The following WDR33 variants were observed in gnomAD, a reference collection of about 807,000 sequenced individuals.
The protein encoded by WDR33 is pre-mRNA 3' end processing protein WDR33.
WDR33 carries 47 observed loss-of-function variants against 164.9 expected under a neutral mutation model. The observed-to-expected ratio is 0.29, with a 90% CI of 0.23 to 0.36. The LOEUF (loss-of-function observed/expected upper bound fraction) is 0.36, where lower values mean the gene tolerates loss of function less well. WDR33 is among the 10% of genes least tolerant of loss of function. The pLI, the probability that WDR33 is intolerant of heterozygous loss-of-function variation, is 1.00. For synonymous variants in WDR33, 505 were observed against 589.0 expected (o/e 0.86, Z 2.06); for missense variants, 1,137 against 1,754.1 (o/e 0.65, Z 6.28).
chr2:127,724,654 G>C lies in WDR33; in HGVS notation c.1086-211C>G, dbSNP rs1054887591. On this transcript the variant is annotated intron_variant, in intron 10 of 21. Coordinates refer to ENST00000322313, the MANE Select transcript of WDR33 (RefSeq NM_018383.5). The surrounding 1 kb of genome is among the most constrained non-coding windows in gnomAD (Gnocchi z 4.8). Reference sequence around the variant, plus strand: ...CAAAGAGCACTTCACAGGGGAAAAGGCTGCAAGCATTTAGAAACTAGAAAA... The same window carrying C: ...CAAAGAGCACTTCACAGGGGAAAAGCCTGCAAGCATTTAGAAACTAGAAAA... Among the ~76,000 whole-genome samples the C allele has an allele frequency of 1.3e-5, 2 of 152,114 alleles. No homozygotes were observed. Among genetic ancestry groups the C allele is most frequent in the Admixed American group, 6.6e-5 (1 of 15,264 alleles).
At position 127,702,261 on chromosome 2, in the gene WDR33, C is replaced by T. The variant is rs1685911074; in HGVS notation, c.*4062G>A. 2 of 1,142,234 alleles carry T rather than the reference C, an allele frequency of 1.8e-6. No homozygotes were observed. The highest frequency in any genetic ancestry group is 1.1e-6 in the Non-Finnish European group (1 of 916,760). The allele number at this position is 1,142,234 out of a possible 1,614,324, so 70.8% of individuals were successfully genotyped here. ...CGGCCGAGCTGAGGACTGCACGCCGCTGTGCGGAAGCCCGTGGCGAAGGCC... is the reference window on the plus strand; with the variant it reads ...CGGCCGAGCTGAGGACTGCACGCCGTTGTGCGGAAGCCCGTGGCGAAGGCC... On this transcript the variant is annotated 3_prime_UTR_variant, in exon 22 of 22. Transcript: ENST00000322313.
At position 127,710,234 on chromosome 2, in the gene WDR33, G is replaced by A. The variant is rs1686125705; in HGVS notation, c.3309-378C>T. 6.6e-6 allele frequency among the ~76,000 whole-genome samples: 1 copy of A among 152,240 alleles called. No individual in the cohort carries two copies. The highest frequency in any genetic ancestry group is 2.1e-4 in the South Asian group (1 of 4,834). On this transcript the variant is annotated intron_variant, in intron 18 of 21. Coordinates refer to ENST00000322313, the MANE Select transcript of WDR33 (RefSeq NM_018383.5). The surrounding 1 kb of genome is among the most constrained non-coding windows in gnomAD (Gnocchi z 4.4). Reference sequence around the variant, plus strand: ...GACATCATTTATTCAAGGACACAGAGTAAGTGCTGGTGATCTGAACTCAGC... The same window carrying A: ...GACATCATTTATTCAAGGACACAGAATAAGTGCTGGTGATCTGAACTCAGC...
chr2:127,735,684 G>A lies in WDR33; in HGVS notation c.725-8907C>T, dbSNP rs1054075835. The A allele has an allele frequency of 8.1e-6, 8 of 985,608 alleles. No individual in the cohort carries two copies. In the African/African-American group the frequency reaches 1.0e-4, roughly 13 times the overall value. 61.1% of individuals were successfully genotyped at this position (985,608 alleles called of 1,614,324 possible). ...GTAACAGATCAGTTTAAGACAAAGG[G>A]TATATGAGTACCCATGGCCCATAGC... On this transcript the variant is annotated intron_variant, in intron 7 of 21. Coordinates refer to ENST00000322313, the MANE Select transcript of WDR33 (RefSeq NM_018383.5). This position sits in a 1 kb window ranked among gnomAD's most constrained non-coding sequence, Gnocchi z 4.3.
intron 1 of WDR33, among the ~76,000 whole-genome samples, chr2:127,793,208 A>G (rs1688903792): frequency 6.6e-6 from 1 of 152,074 alleles, no homozygotes; most frequent in Non-Finnish European, 1.5e-5. Context: ...AGGCAGGTGG[A>G]TCATCTGAGG....
Position 127,724,216 on chromosome 2 carries a change from C to A in WDR33, c.1196+117G>T. 1.4e-6 allele frequency: 1 copy of A among 729,816 alleles called. No homozygotes were observed. Among genetic ancestry groups the A allele is most frequent in the Non-Finnish European group, 2.1e-6 (1 of 468,726 alleles). 45.2% of individuals were successfully genotyped at this position (729,816 alleles called of 1,614,324 possible). A position where few individuals can be genotyped will look rare whatever the true frequency, so the allele number is the denominator to read the frequency against. On this transcript the variant is annotated intron_variant, in intron 11 of 21. Coordinates refer to ENST00000322313, the MANE Select transcript of WDR33 (RefSeq NM_018383.5). This position sits in a 1 kb window ranked among gnomAD's most constrained non-coding sequence, Gnocchi z 4.8. ...ATTTGTAAACCACTACAAAAATATT[C>A]CCAAGAATAAGTTGGAATATAAATT...
Position 127,716,618 on chromosome 2 carries a change from G to A in WDR33, c.2869+537C>T, listed in dbSNP as rs941290885. On this transcript the variant is annotated intron_variant, in intron 17 of 21. Transcript: ENST00000322313. This position sits in a 1 kb window ranked among gnomAD's most constrained non-coding sequence, Gnocchi z 4.5. ...AGGATTAACTCTAAACTTCCAAATA[G>A]CCCCACATCTAAATACTAATCATTC... is the stretch of plus-strand genomic sequence containing the variant. Among the ~76,000 whole-genome samples the A allele has an allele frequency of 6.6e-6, 1 of 152,152 alleles. No individual in the cohort carries two copies. The highest frequency in any genetic ancestry group is 6.5e-5 in the Admixed American group (1 of 15,282).
At chr2:127,737,535 G>C (rs1467090083) in intron 7 of WDR33, 25 of 986,298 alleles carry the variant, frequency 2.5e-5, no homozygotes, top group Non-Finnish European at 2.6e-5. Context: ...ACATTCAAAA[G>C]ATTGATGGGA....
In WDR33 at chr2:127,709,474, C is replaced by T. The variant is rs770922010; in HGVS notation, c.3565+16G>A. ...CTGCAGTCTAGAGTTACCCAACAAGCGGTTCTTTTCCTTACCAGGCTCTCT... is the reference window on the plus strand; with the variant it reads ...CTGCAGTCTAGAGTTACCCAACAAGTGGTTCTTTTCCTTACCAGGCTCTCT... On this transcript the variant is annotated intron_variant, in intron 20 of 21. Coordinates refer to ENST00000322313, the MANE Select transcript of WDR33 (RefSeq NM_018383.5). This position sits in a 1 kb window ranked among gnomAD's most constrained non-coding sequence, Gnocchi z 5.0. The T allele has an allele frequency of 1.5e-5, 24 of 1,612,470 alleles. No individual in the cohort carries two copies. The highest frequency in any genetic ancestry group is 1.6e-4 in the Middle Eastern group (1 of 6,074).
At chr2:127,750,480 C>T (rs1365654860) in intron 7 of WDR33, among the ~76,000 whole-genome samples, 3 of 149,668 alleles carry the variant, frequency 2.0e-5, no homozygotes, top group Admixed American at 6.6e-5. Context: ...AACCCCATCG[C>T]TACTTAAAAT....
At chr2:127,801,237 T>C (rs1689229836) in intron 1 of WDR33, among the ~76,000 whole-genome samples, 1 of 152,270 alleles carries the variant, frequency 6.6e-6, no homozygotes, top group African/African-American at 2.4e-5. Context: ...GAGCTATGAT[T>C]ATACCACTGT....
At position 127,724,383 on chromosome 2, in the gene WDR33, A is replaced by C. The variant is rs769107076; in HGVS notation, c.1146T>G (p.Ala382=). The change falls in exon 11 of 22, where the codon GCT becomes GCG. Residue 382 remains alanine (A), a synonymous_variant. Transcript: ENST00000322313. This position sits in a 1 kb window ranked among gnomAD's most constrained non-coding sequence, Gnocchi z 4.8. ...AGAGAATATGCCCAAGAGGATGCCA[A>C]GCCAGACTCCAGATCATCCCTTCGT... The part of the protein sequence containing the change: ...MAHEGMIWSL[A]WHPLGHILCS... 8 of 1,614,090 alleles carry C rather than the reference A, an allele frequency of 5.0e-6. No homozygotes were observed. Among genetic ancestry groups the C allele is most frequent in the Non-Finnish European group, 5.9e-6 (7 of 1,180,038 alleles).
intron 17 of WDR33, among the ~76,000 whole-genome samples, chr2:127,715,723 C>T (rs1002290118): frequency 6.6e-6 from 1 of 152,214 alleles, no homozygotes; most frequent in African/African-American, 2.4e-5. Context: ...TCCGTTTGGA[C>T]TTACCTATGA....
At chr2:127,785,303 C>T (rs1387941808) in intron 1 of WDR33, among the ~76,000 whole-genome samples, 1 of 152,158 alleles carries the variant, frequency 6.6e-6, no homozygotes, top group African/African-American at 2.4e-5. Context: ...AATCAATGAA[C>T]CAACACTGAT....
chr2:127,787,045 G>T (rs1688605739), intron 1 of WDR33, among the ~76,000 whole-genome samples: 1 of 105,640 alleles, frequency 9.5e-6, no homozygotes, highest in African/African-American at 3.9e-5. Context: ...TGAGATTAGG[G>T]ATTGGTGATG....
chr2:127,772,358 G>C (rs1212565424), intron 1 of WDR33, among the ~76,000 whole-genome samples: 1 of 152,066 alleles, frequency 6.6e-6, no homozygotes. Flanking sequence ...AGAATCGTTT[G>C]AACCCGGGAG....
intron 4 of WDR33, among the ~76,000 whole-genome samples, chr2:127,767,591 T>C (rs963586623): frequency 2.5e-4 from 38 of 152,066 alleles, no homozygotes; most frequent in African/African-American, 8.9e-4. Context: ...GGCAGGCGCC[T>C]GTAGTCCCAG....
Position 127,711,780 on chromosome 2 carries a change from A to ATATATATTTTTTTT in WDR33, c.3308+1802_3308+1803insAAAAAAAATATATA. ...TATATATATATATATATATATATATATTTTTTTTTTGAGACAGAGTCTCGC... is the reference window on the plus strand; with the variant it reads ...TATATATATATATATATATATATATATATATATTTTTTTTTTTTTTTTTTGAGACAGAGTCTCGC... On this transcript the variant is annotated intron_variant, in intron 18 of 21. Transcript: ENST00000322313. Among the ~76,000 whole-genome samples, 3 of 88,308 alleles carry ATATATATTTTTTTT rather than the reference A, an allele frequency of 3.4e-5. No individual in the cohort carries two copies. The East Asian group carries it at 8.6e-4, about 25-fold the overall frequency. The allele number at this position is 88,308 out of a possible 152,430, so 57.9% of individuals were successfully genotyped here.
At chr2:127,787,578 G>A (rs1688636020) in intron 1 of WDR33, among the ~76,000 whole-genome samples, 2 of 104,070 alleles carry the variant, frequency 1.9e-5, no homozygotes, top group South Asian at 4.1e-4. Flanking sequence ...GGCTGGCCGG[G>A]CAGAGGGGCT....
At chr2:127,804,439 T>G (rs943128814) in intron 1 of WDR33, among the ~76,000 whole-genome samples, 3 of 152,216 alleles carry the variant, frequency 2.0e-5, no homozygotes, top group African/African-American at 7.2e-5. Context: ...ATATAAATGT[T>G]CAATGTCCAG....
Sources: gnomAD v4.1 joint callset for allele counts (sites outside exome capture counted in the v4.1 genomes callset) on GRCh38, gnomAD v4.1.1 for gene constraint, Gnocchi (gnomAD v3.1) non-coding constraint, MANE v1.5 for transcripts, NCBI Gene and HGNC (gene_info 2026-07-23, HGNC 2026-07-21) for gene names.